The following EDIL3 variants were observed in gnomAD, a reference collection of about 807,000 sequenced individuals.
EDIL3 encodes the protein EGF like and discoidin domains 3.
EDIL3 carries 37 observed loss-of-function variants against 67.4 expected under a neutral mutation model. The ratio of observed to expected loss-of-function variants is 0.55; its 90% CI spans 0.42 to 0.72. EDIL3 has a LOEUF of 0.72. Ranked by LOEUF, EDIL3 falls within the 30% of genes least tolerant of loss-of-function variation. The pLI is 0.00. For synonymous variants in EDIL3, 195 were observed against 196.3 expected, an observed-to-expected ratio of 0.99 and a Z score of 0.05; for missense variants, 527 against 586.3, an observed-to-expected ratio of 0.90 and a Z score of 1.04.
At chr5:84,201,754 C>T (rs1743842701) in intron 3 of EDIL3, among the ~76,000 whole-genome samples, 2 of 152,048 alleles carry the variant, frequency 1.3e-5, no homozygotes, top group Non-Finnish European at 2.9e-5. Flanking sequence ...GTTAAGCCAT[C>T]TACAACATAA....
intron 2 of EDIL3, among the ~76,000 whole-genome samples, chr5:84,238,506 T>C (rs571242675): frequency 6.6e-6 from 1 of 152,212 alleles, no homozygotes; most frequent in South Asian, 2.1e-4. Flanking sequence ...CATGTAGTTT[T>C]AACTCATCTC....
rs1744486561 is a variant in EDIL3, at chr5:83,954,870, G to T, written c.1293+8335C>A. ...TATTCAAAATGCTAATTTTCTCTCA[G>T]CTAACATCTCCTGCTTTCATCAGGT... On this transcript the variant is annotated intron_variant, in intron 10 of 10. Coordinates refer to ENST00000296591, the MANE Select transcript of EDIL3 (RefSeq NM_005711.5). Among the ~76,000 whole-genome samples the T allele has an allele frequency of 2.0e-5, 3 of 151,674 alleles. No individual in the cohort carries two copies. The South Asian group carries it at 6.2e-4, about 31-fold the overall frequency.
At chr5:83,968,161 G>C (rs1327401425) in intron 9 of EDIL3, among the ~76,000 whole-genome samples, 1 of 152,028 alleles carries the variant, frequency 6.6e-6, no homozygotes, top group Non-Finnish European at 1.5e-5. Context: ...GGACAATATT[G>C]CTAGTTATTA....
At chr5:84,165,170 G>A (rs1748683291) in intron 4 of EDIL3, among the ~76,000 whole-genome samples, 1 of 152,152 alleles carries the variant, frequency 6.6e-6, no homozygotes. Context: ...CTATTAAAAT[G>A]TAAATAAAGC....
intron 9 of EDIL3, among the ~76,000 whole-genome samples, chr5:84,050,870 A>G (rs1232191450): frequency 2.0e-5 from 3 of 152,224 alleles, no homozygotes; most frequent in Non-Finnish European, 4.4e-5. Context: ...CTGCCTCTGT[A>G]GACTCCACCT....
At chr5:84,156,778 A>G (rs1748499027) in intron 4 of EDIL3, among the ~76,000 whole-genome samples, 1 of 152,264 alleles carries the variant, frequency 6.6e-6, no homozygotes, top group South Asian at 2.1e-4. Flanking sequence ...AAATTACAGA[A>G]GAGTATATTC....
intron 3 of EDIL3, among the ~76,000 whole-genome samples, chr5:84,210,296 A>C (rs1744091206): frequency 6.6e-6 from 1 of 152,158 alleles, no homozygotes; most frequent in South Asian, 2.1e-4. Flanking sequence ...GTTTAATTTT[A>C]CGTTTTGCAA....
intron 5 of EDIL3, among the ~76,000 whole-genome samples, chr5:84,129,879 A>G (rs911371207): frequency 6.6e-5 from 10 of 152,038 alleles, no homozygotes; most frequent in Admixed American, 5.3e-4. Flanking sequence ...ATGACTCTAT[A>G]TTGTTAAGGC....
intron 4 of EDIL3, among the ~76,000 whole-genome samples, chr5:84,150,474 A>C (rs1181477275): frequency 1.3e-5 from 2 of 152,296 alleles, no homozygotes; most frequent in African/African-American, 2.4e-5. Flanking sequence ...AAGTGGGAAA[A>C]ATATTTGAAC....
At chr5:84,358,940 G>C (rs113317680) in intron 1 of EDIL3, among the ~76,000 whole-genome samples, 2,268 of 152,148 alleles carry the variant, frequency 0.015, 64 homozygotes, top group African/African-American at 0.052. Context: ...GTTCCAAAAA[G>C]AATTTAAAAC....
intron 1 of EDIL3, among the ~76,000 whole-genome samples, chr5:84,276,288 GGT>G (rs1745581986): frequency 2.0e-5 from 3 of 152,048 alleles, no homozygotes; most frequent in African/African-American, 7.2e-5. Flanking sequence ...TTAGAAGATT[GGT>G]GTGAGAGTGT....
intron 9 of EDIL3, among the ~76,000 whole-genome samples, chr5:83,995,206 A>C (rs1745218386): frequency 6.6e-6 from 1 of 151,448 alleles, no homozygotes; most frequent in South Asian, 2.1e-4. Context: ...ACAACACTTC[A>C]TTATGTTAGA....
At chr5:84,062,493 C>T (rs369973857) in intron 8 of EDIL3, among the ~76,000 whole-genome samples, 1 of 152,196 alleles carries the variant, frequency 6.6e-6, no homozygotes, top group South Asian at 2.1e-4. Flanking sequence ...AAAAAATTCA[C>T]TTTATATCCA....
intron 1 of EDIL3, among the ~76,000 whole-genome samples, chr5:84,291,690 C>A (rs898913194): frequency 6.9e-6 from 1 of 145,770 alleles, no homozygotes. Flanking sequence ...ATAGATATAT[C>A]TATATATCTA....
chr5:84,066,402 T>C, intron 7 of EDIL3, 49 bp downstream of exon 7: 1 of 1,531,332 alleles, frequency 6.5e-7, no homozygotes, highest in South Asian at 1.3e-5. Context: ...TAATCAATAA[T>C]TATCAATGAC....
At chr5:83,948,881 T>C (rs1561382487) in intron 10 of EDIL3, among the ~76,000 whole-genome samples, 1 of 151,908 alleles carries the variant, frequency 6.6e-6, no homozygotes, top group East Asian at 2.0e-4. Flanking sequence ...ATTCTTGATG[T>C]TTTTCTCTGC....
intron 1 of EDIL3, among the ~76,000 whole-genome samples, chr5:84,296,343 T>G (rs933694221): frequency 1.3e-5 from 2 of 152,208 alleles, no homozygotes; most frequent in Non-Finnish European, 2.9e-5. Flanking sequence ...TTTAATGATT[T>G]TGTAAGTAAA....
intron 5 of EDIL3, among the ~76,000 whole-genome samples, chr5:84,136,326 G>A (rs772301798): frequency 1.2e-4 from 18 of 152,224 alleles, no homozygotes; most frequent in Admixed American, 6.5e-4. Flanking sequence ...CAGATCATAC[G>A]ATATACATCG....
At chr5:84,213,126 C>T (rs1252113469) in intron 3 of EDIL3, among the ~76,000 whole-genome samples, 1 of 151,720 alleles carries the variant, frequency 6.6e-6, no homozygotes, top group Non-Finnish European at 1.5e-5. Flanking sequence ...AGCATTCTGG[C>T]TACAGAATAT....
Sources: allele counts gnomAD v4.1 joint callset (sites outside exome capture counted in the v4.1 genomes callset), GRCh38; gene constraint gnomAD v4.1.1; transcripts MANE v1.5; gene names NCBI Gene and HGNC (gene_info 2026-07-23, HGNC 2026-07-21).